The following ANK1 variants were observed in gnomAD, a reference collection of about 807,000 sequenced individuals.
ANK1 encodes the protein ankyrin 1.
In ANK1, 51 loss-of-function variants were observed where a neutral mutation model predicts 210.4. That is an observed-to-expected ratio of 0.24 (90% CI 0.19 to 0.31). The LOEUF (loss-of-function observed/expected upper bound fraction) is 0.31. Among genes scored for constraint, ANK1 ranks in the 10% least tolerant of loss-of-function variants. ANK1 has a pLI of 1.00. For synonymous variants in ANK1, 967 were observed against 1,025.9 expected (o/e 0.94, Z 1.10); for missense variants, 2,051 against 2,504.4 (o/e 0.82, Z 3.86).
At chr8:41,885,089 C>T (rs1818242420) in intron 1 of ANK1, among the ~76,000 whole-genome samples, 1 of 151,836 alleles carries the variant, frequency 6.6e-6, no homozygotes, top group South Asian at 2.1e-4. Flanking sequence ...GCTCTCGCTG[C>T]AAGATAAAGA....
intron 1 of ANK1, among the ~76,000 whole-genome samples, chr8:41,881,438 T>C (rs1024074735): frequency 6.6e-6 from 1 of 152,252 alleles, no homozygotes; most frequent in Non-Finnish European, 1.5e-5. Flanking sequence ...TGTCTGTATC[T>C]GTATCTATGG....
At chr8:41,877,167 C>T (rs1320058939) in intron 1 of ANK1, among the ~76,000 whole-genome samples, 4 of 152,196 alleles carry the variant, frequency 2.6e-5, no homozygotes, top group Admixed American at 2.0e-4. Context: ...TATGGAACTT[C>T]CACACTGTCA....
intron 2 of ANK1, among the ~76,000 whole-genome samples, chr8:41,737,770 A>G (rs1004500487): frequency 6.6e-6 from 1 of 152,196 alleles, no homozygotes; most frequent in Admixed American, 6.5e-5. Flanking sequence ...ACAGTTAATG[A>G]GAGAGATGCA....
chr8:41,748,239 G>C (rs1245727381), intron 2 of ANK1, among the ~76,000 whole-genome samples: 1 of 152,212 alleles, frequency 6.6e-6, no homozygotes, highest in Non-Finnish European at 1.5e-5. Context: ...TTCCAGAGCT[G>C]CACCAAGGCA....
At chr8:41,891,344 C>G (rs62508243) in intron 1 of ANK1, among the ~76,000 whole-genome samples, 35,264 of 151,834 alleles carry the variant, frequency 0.23, 4,348 homozygotes, top group Non-Finnish European at 0.26. Flanking sequence ...GAGCCAGCAG[C>G]CTTTGCTGGG....
At chr8:41,847,081 C>G (rs994075895) in intron 1 of ANK1, among the ~76,000 whole-genome samples, 1 of 152,146 alleles carries the variant, frequency 6.6e-6, no homozygotes, top group Non-Finnish European at 1.5e-5. Flanking sequence ...AGATTTAGGC[C>G]GCAGAACAGA....
In ANK1 at chr8:41,655,575, G is replaced by T; in HGVS notation, c.*215C>A. On this transcript the variant is annotated 3_prime_UTR_variant, in exon 43 of 43. Coordinates refer to ENST00000289734, the MANE Select transcript of ANK1 (RefSeq NM_000037.4). ...CAAGAGGCAGGATTGAAGCCTGGAG[G>T]TCATGCGTCTACAGTCAGTCATTCA... 1.1e-6 allele frequency: 1 copy of T among 873,910 alleles called. No homozygotes were observed. The highest frequency in any genetic ancestry group is 1.8e-6 in the Non-Finnish European group (1 of 544,854). The allele number at this position is 873,910 out of a possible 1,614,324, so 54.1% of individuals were successfully genotyped here.
chr8:41,816,747 C>T (rs566230098), intron 1 of ANK1, among the ~76,000 whole-genome samples: 1 of 152,250 alleles, frequency 6.6e-6, no homozygotes, highest in Non-Finnish European at 1.5e-5. Flanking sequence ...TTCTTATTTA[C>T]CAAATTTTAT....
At chr8:41,723,775 ATTTTTT>A (rs1194906831) in intron 7 of ANK1, 142 bp from the exon 8 acceptor site, 7 of 499,630 alleles carry the variant, frequency 1.4e-5, no homozygotes, top group Admixed American at 1.1e-4. Flanking sequence ...AAGATATTTT[ATTTTTT>A]TTTATTTTTT....
intron 37 of ANK1, among the ~76,000 whole-genome samples, chr8:41,680,313 A>G (rs1815564910): frequency 6.6e-6 from 1 of 152,188 alleles, no homozygotes; most frequent in African/African-American, 2.4e-5. Context: ...CTATAATCCC[A>G]GCACTTAGGG....
chr8:41,812,794 G>C (rs998635254), intron 1 of ANK1, among the ~76,000 whole-genome samples: 1 of 152,124 alleles, frequency 6.6e-6, no homozygotes, highest in African/African-American at 2.4e-5. Flanking sequence ...ATTATAAGGA[G>C]TGCGCAACCT....
intron 1 of ANK1, among the ~76,000 whole-genome samples, chr8:41,875,674 C>G (rs937654313): frequency 8.5e-5 from 13 of 152,246 alleles, no homozygotes; most frequent in Non-Finnish European, 1.5e-5. Context: ...GCCGGTCCCT[C>G]TTCCCAAGCA....
intron 1 of ANK1, among the ~76,000 whole-genome samples, chr8:41,888,136 T>C (rs1818778419): frequency 1.3e-5 from 2 of 152,236 alleles, no homozygotes; most frequent in South Asian, 2.1e-4. Context: ...ATGTTTTCTA[T>C]GAGCTCTCTC....
At position 41,847,670 on chromosome 8, in the gene ANK1, C is replaced by T. The variant is rs142811144; in HGVS notation, c.126+48685G>A. On this transcript the variant is annotated intron_variant, in intron 1 of 42. Coordinates refer to the ANK1 transcript ENST00000265709. ...ACCTGACTCTAAGTTCCTGCTCTAACGTAGGAATATAGTCTTCTTGTGCAA... is the reference window on the plus strand; with the variant it reads ...ACCTGACTCTAAGTTCCTGCTCTAATGTAGGAATATAGTCTTCTTGTGCAA... Among the ~76,000 whole-genome samples, 349 of 152,286 alleles carry T rather than the reference C, an allele frequency of 2.3e-3. 2 individuals are homozygous for T. The highest frequency in any genetic ancestry group is 0.01 in the Middle Eastern group (3 of 294).
chr8:41,822,089 AGAGAGAGAGAG>A (rs1363125145), intron 1 of ANK1, among the ~76,000 whole-genome samples: 19,370 of 69,084 alleles, frequency 0.28, 2,371 homozygotes, highest in African/African-American at 0.39. Context: ...AGAGAGAGAG[AGAGAGAGAGAG>A]AGAGAGAGAG....
chr8:41,887,224 C>G (rs1388994344), intron 1 of ANK1, among the ~76,000 whole-genome samples: 1 of 136,144 alleles, frequency 7.3e-6, no homozygotes, highest in Non-Finnish European at 1.6e-5. Flanking sequence ...TTTTTCCTTT[C>G]TTCTTTTCTT....
At chr8:41,683,597 C>G (rs757453770) in intron 37 of ANK1, among the ~76,000 whole-genome samples, 32 of 152,366 alleles carry the variant, frequency 2.1e-4, no homozygotes, top group Admixed American at 1.8e-3. Flanking sequence ...CGTCAGCCAC[C>G]TGAGGAAGCC....
chr8:41,877,609 T>C (rs1223427330), intron 1 of ANK1, among the ~76,000 whole-genome samples: 1 of 152,222 alleles, frequency 6.6e-6, no homozygotes, highest in East Asian at 1.9e-4. Context: ...ATTTATTTTT[T>C]AGTGGAGGAA....
intron 1 of ANK1, among the ~76,000 whole-genome samples, chr8:41,865,471 C>G (rs1431689662): frequency 2.0e-5 from 3 of 151,986 alleles, no homozygotes; most frequent in African/African-American, 7.3e-5. Flanking sequence ...TCCTCACACC[C>G]ACTCTGTGCT....
Sources: gnomAD v4.1 joint callset for allele counts (sites outside exome capture counted in the v4.1 genomes callset) on GRCh38, gnomAD v4.1.1 for gene constraint, MANE v1.5 for transcripts, NCBI Gene and HGNC (gene_info 2026-07-23, HGNC 2026-07-21) for gene names.